Variants in ADAP1 observed in about 807,000 individuals in gnomAD.
ADAP1 encodes arf-GAP with dual PH domain-containing protein 1.
In ADAP1, 31 loss-of-function variants were observed where a neutral mutation model predicts 54.9. The ratio of observed to expected loss-of-function variants is 0.56; its 90% confidence interval spans 0.42 to 0.76. The LOEUF is 0.76. ADAP1 is among the 30% of genes least tolerant of loss of function. The pLI is 0.00. For missense variants in ADAP1, 535 were observed against 512.4 expected, an observed-to-expected ratio of 1.04 and a Z score of -0.42; for synonymous variants, 313 against 202.6, an observed-to-expected ratio of 1.55 and a Z score of -4.63.
At chr7:910,620 T>C (rs935533540) in intron 4 of ADAP1, among the ~76,000 whole-genome samples, 1 of 152,306 alleles carries the variant, frequency 6.6e-6, no homozygotes, top group Non-Finnish European at 1.5e-5. Flanking sequence ...TAGATGTAAA[T>C]CACACCTCAC....
intron 4 of ADAP1, among the ~76,000 whole-genome samples, chr7:906,723 C>CATGGG (rs1437279765): frequency 2.7e-4 from 5 of 18,470 alleles, no homozygotes; most frequent in South Asian, 3.5e-3. Context: ...ACATCGGGGA[C>CATGGG]GGGACATGGG....
intron 2 of ADAP1, chr7:927,558 A>G: frequency 2.1e-6 from 1 of 465,570 alleles, no homozygotes; most frequent in South Asian, 1.6e-5. Context: ...TGCTCCGAGG[A>G]TCACATGGCA....
chr7:918,082 C>T (rs978109716), intron 4 of ADAP1, among the ~76,000 whole-genome samples: 10 of 152,174 alleles, frequency 6.6e-5, no homozygotes, highest in Admixed American at 1.3e-4. Context: ...GTGCGCCAAC[C>T]GTGCACAGCT....
At chr7:935,669 G>GCGCC (rs1465774587) in intron 1 of ADAP1, among the ~76,000 whole-genome samples, 164 bp from the exon 2 acceptor site, 1 of 114,026 alleles carries the variant, frequency 8.8e-6, no homozygotes. Flanking sequence ...CCTAACCCCA[G>GCGCC]CTCCCCCCCC....
rs972104200 is a variant in ADAP1 at position 938,966 on chromosome 7, C to T, written c.83-3461G>A. On this transcript the variant is annotated intron_variant, in intron 1 of 10. Coordinates refer to ENST00000265846, the MANE Select transcript of ADAP1 (RefSeq NM_006869.4). This position sits in a 1 kb window ranked among gnomAD's most constrained non-coding sequence, Gnocchi z 4.4. ...CACCTCCAACCTCACTCGGGTGCTC[C>T]GGGACAGGCTGTCCCTCTCCTGGCC... Among the ~76,000 whole-genome samples, 6 of 152,148 alleles carry T rather than the reference C, an allele frequency of 3.9e-5. No individual in the cohort carries two copies. The highest frequency in any genetic ancestry group is 9.7e-5 in the African/African-American group (4 of 41,420).
At chr7:908,870 C>T (rs138318835) in intron 4 of ADAP1, among the ~76,000 whole-genome samples, 21 of 152,300 alleles carry the variant, frequency 1.4e-4, no homozygotes, top group Middle Eastern at 6.8e-3. Flanking sequence ...ACCTCGCCCA[C>T]GGGGGTGGAG....
chr7:930,094 A>G (rs1846518204), intron 2 of ADAP1, among the ~76,000 whole-genome samples: 2 of 101,888 alleles, frequency 2.0e-5, no homozygotes, highest in African/African-American at 8.2e-5. Flanking sequence ...ACAGAGCAAG[A>G]CTGTCTCAAA....
chr7:906,855 G>A (rs1354180911), intron 4 of ADAP1, among the ~76,000 whole-genome samples: 1 of 123,014 alleles, frequency 8.1e-6, no homozygotes, highest in Admixed American at 8.5e-5. Context: ...GAGGGGATAT[G>A]ACAGTGGACC....
At chr7:903,259 C>G (rs983157612) in intron 6 of ADAP1, among the ~76,000 whole-genome samples, 1 of 152,130 alleles carries the variant, frequency 6.6e-6, no homozygotes, top group East Asian at 1.9e-4. Context: ...CTAACAAACC[C>G]AGGGTCAGAT....
intron 8 of ADAP1, among the ~76,000 whole-genome samples, chr7:899,872 G>A (rs970055978): frequency 2.0e-5 from 3 of 152,204 alleles, no homozygotes; most frequent in Admixed American, 6.5e-5. Context: ...GCACGGTCCC[G>A]TGGGTGAGGA....
chr7:941,750 T>A (rs1451880236), intron 1 of ADAP1, among the ~76,000 whole-genome samples: 4 of 152,156 alleles, frequency 2.6e-5, no homozygotes, highest in Non-Finnish European at 5.9e-5. Flanking sequence ...GCCATCCCAA[T>A]CAGAATTTCA....
At chr7:908,913 C>T (rs1348081493) in intron 4 of ADAP1, among the ~76,000 whole-genome samples, 3 of 152,212 alleles carry the variant, frequency 2.0e-5, no homozygotes, top group South Asian at 4.1e-4. Context: ...TTCCACAGAC[C>T]CCTGCCCAGG....
chr7:954,444 G>C lies in ADAP1; in HGVS notation c.34C>G (p.Leu12Val). 8.9e-7 allele frequency: 1 copy of C among 1,119,422 alleles called. No homozygotes were observed. Among genetic ancestry groups the C allele is most frequent in the Non-Finnish European group, 1.1e-6 (1 of 907,530 alleles). 69.3% of individuals were successfully genotyped at this position (1,119,422 alleles called of 1,614,324 possible). Residue 12 changes from leucine (L) to valine (V), a missense_variant, in exon 1 of 11, where the codon CTG becomes GTG. By Grantham distance (32) the Leu-to-Val change is conservative (BLOSUM62 1). Coordinates refer to ENST00000265846, the MANE Select transcript of ADAP1 (RefSeq NM_006869.4). Reference protein sequence around the residue: ...AKERRRAVLELLQRPGNARCA... With the variant: ...AKERRRAVLEVLQRPGNARCA... The stretch of plus-strand genomic sequence containing the variant: ...CGCGCGTTCCCCGGCCGCTGCAGCA[G>C]CTCCAGGACCGCCCTGCGCCGCTCC...
chr7:905,328 GGAGGA>G, intron 4 of ADAP1, 156 bp from the exon 5 acceptor site: 1 of 526,876 alleles, frequency 1.9e-6, no homozygotes, highest in Non-Finnish European at 3.5e-6. Context: ...GAGGGGACAT[GGAGGA>G]GACAGGGAGA....
At chr7:905,039 C>G (rs377395105) in intron 5 of ADAP1, 21 bp downstream of exon 5, 6 of 1,601,026 alleles carry the variant, frequency 3.7e-6, no homozygotes, top group Non-Finnish European at 5.1e-6. Flanking sequence ...GGCCCCCACC[C>G]CACCCCCGTC....
At chr7:944,255 CTTTTTTTTT>C (rs373409871) in intron 1 of ADAP1, among the ~76,000 whole-genome samples, 1 of 135,434 alleles carries the variant, frequency 7.4e-6, no homozygotes, top group African/African-American at 2.8e-5. Flanking sequence ...TATTTTTAAC[CTTTTTTTTT>C]TTTTTTTTGA....
intron 4 of ADAP1, chr7:905,561 G>C (rs1716267263): frequency 1.8e-4 from 5 of 27,364 alleles, no homozygotes; most frequent in African/African-American, 7.1e-4. Flanking sequence ...GGAGAAAGGA[G>C]AAAGGAGAAA....
chr7:923,711 G>A (rs946072395), intron 3 of ADAP1, among the ~76,000 whole-genome samples: 2 of 152,166 alleles, frequency 1.3e-5, no homozygotes, highest in South Asian at 2.1e-4. Flanking sequence ...AGGCCGCAGG[G>A]CATGGCGTGG....
rs376055866 is a variant in ADAP1, at chr7:904,216, C to T, written c.558G>A (p.Pro186=). 107 of 1,610,800 alleles carry T rather than the reference C, an allele frequency of 6.6e-5. 1 individual carries two copies. Among genetic ancestry groups the T allele is most frequent in the Middle Eastern group, 3.3e-4 (2 of 6,042 alleles). ...GGCCGTGGGGGTGGCCGATCTTGGC[C>T]GGCTGGAAGGTGGCGTTCAGGTGCT... ...KIEHLNATFQ[P]AKIGHPHGLQ... is the part of the protein sequence containing the mutation. Residue 186 remains proline, a synonymous_variant, in exon 6 of 11, where the codon CCG becomes CCA. Transcript: ENST00000265846.
Sources: allele counts gnomAD v4.1 joint callset (sites outside exome capture counted in the v4.1 genomes callset), GRCh38; gene constraint gnomAD v4.1.1; non-coding constraint Gnocchi (gnomAD v3.1); transcripts MANE v1.5; gene names NCBI Gene and HGNC (gene_info 2026-07-23, HGNC 2026-07-21).